Variants in TMBIM1 observed in about 807,000 individuals in gnomAD.
The protein encoded by TMBIM1 is transmembrane BAX inhibitor motif containing 1.
In TMBIM1, 34 loss-of-function variants were observed where a neutral mutation model predicts 45.1. The observed-to-expected ratio is 0.75, with a 90% CI of 0.57 to 1.00. The LOEUF is 1.00. TMBIM1 is among the 50% of genes least tolerant of loss of function. The pLI, the probability that TMBIM1 is intolerant of heterozygous loss-of-function variation, is 0.00. For missense variants in TMBIM1, 374 were observed against 402.4 expected (o/e 0.93, Z 0.60); for synonymous variants, 157 against 153.5 (o/e 1.02, Z -0.17).
intron 1 of TMBIM1, chr2:218,290,181 G>C (rs1363970521): frequency 6.6e-6 from 1 of 152,214 alleles, no homozygotes; most frequent in East Asian, 1.9e-4. Flanking sequence ...GATGACTCTT[G>C]AGAAACAATC....
intron 1 of TMBIM1, among the ~76,000 whole-genome samples, chr2:218,288,707 GCTT>G (rs542175255): frequency 5.3e-5 from 8 of 152,236 alleles, no homozygotes; most frequent in African/African-American, 1.9e-4. Context: ...AAATCCATGT[GCTT>G]CTGCCACTGT....
In TMBIM1 at chr2:218,282,019, G is replaced by A. The variant is rs374124455; in HGVS notation, c.123C>T (p.Gly41=). 5.2e-5 allele frequency: 83 copies of A among 1,608,012 alleles called. 1 individual carries two copies. Among genetic ancestry groups the A allele is most frequent in the East Asian group, 4.7e-4 (21 of 44,720 alleles). Residue 41 remains glycine, a synonymous_variant, in exon 2 of 12, where the codon GGC becomes GGT. Transcript: ENST00000258412. Reference sequence around the variant, plus strand: ...GGTGACCGTAGCCAGGCTGCGGGTAGCCAGGGTAGGCAGGATACCCTCCTG... The same window carrying A: ...GGTGACCGTAGCCAGGCTGCGGGTAACCAGGGTAGGCAGGATACCCTCCTG... The part of the protein sequence containing the change: ...VLPGGYPAYP[G]YPQPGYGHPA...
intron 1 of TMBIM1, chr2:218,289,936 G>GA (rs991580471): frequency 2.6e-5 from 4 of 152,176 alleles, no homozygotes; most frequent in Admixed American, 2.6e-4. Context: ...CTCTAGGAAA[G>GA]AAAGAGTAGG....
Position 218,275,425 on chromosome 2 carries a change from C to A in TMBIM1, c.*50G>T. The A allele has an allele frequency of 6.3e-7, 1 of 1,583,620 alleles. No homozygotes were observed. The highest frequency in any genetic ancestry group is 8.6e-7 in the Non-Finnish European group (1 of 1,165,356). ...GACCACAGTCATAGGGCCCAGCCCT[C>A]TAGCTTGGAAGGGAGAGCCCAGGAT... On this transcript the variant is annotated 3_prime_UTR_variant, in exon 12 of 12. Transcript: ENST00000258412.
At chr2:218,281,907 C>A (rs1692044425) in intron 2 of TMBIM1, 33 bp downstream of exon 2, 1 of 1,540,892 alleles carries the variant, frequency 6.5e-7, no homozygotes, top group African/African-American at 1.4e-5. Context: ...CTGTCCCTCC[C>A]ACCCACCTTC....
At chr2:218,281,742 A>G (rs758874064) in intron 2 of TMBIM1, among the ~76,000 whole-genome samples, 198 bp downstream of exon 2, 1 of 152,206 alleles carries the variant, frequency 6.6e-6, no homozygotes, top group Non-Finnish European at 1.5e-5. Flanking sequence ...CAAAGGGGGC[A>G]GCAAGTGGCT....
At chr2:218,279,877 G>A in intron 3 of TMBIM1, 149 bp downstream of exon 3, 3 of 654,814 alleles carry the variant, frequency 4.6e-6, no homozygotes, top group Non-Finnish European at 8.2e-6. Flanking sequence ...GAAGCCAGGT[G>A]CCCCTCTGAG....
rs1203501656 is a variant in TMBIM1 at position 218,280,045 on chromosome 2, C to T, written c.284G>A (p.Arg95Gln). Residue 95 changes from arginine (R) to glutamine (Q), a missense_variant, in exon 3 of 12, where the codon CGA (arginine) becomes CAA (glutamine). Coordinates refer to ENST00000258412, the MANE Select transcript of TMBIM1 (RefSeq NM_022152.6). Reference sequence around the variant, plus strand: ...TCTTACCTTTCGGATAAAAGTGTGTCGCACTTTCCGGTCATCCCACTCTCC... The same window carrying T: ...TCTTACCTTTCGGATAAAAGTGTGTTGCACTTTCCGGTCATCCCACTCTCC... Reference protein sequence around the residue: ...GPGEWDDRKVRHTFIRKVYSI... With the variant: ...GPGEWDDRKVQHTFIRKVYSI... 1.2e-6 allele frequency: 2 copies of T among 1,614,078 alleles called. No individual in the cohort carries two copies. Among genetic ancestry groups the T allele is most frequent in the Admixed American group, 1.7e-5 (1 of 60,030 alleles).
Position 218,277,346 on chromosome 2 carries a change from A to C in TMBIM1, c.639+20T>G, listed in dbSNP as rs1365273154. The C allele has an allele frequency of 6.2e-7, 1 of 1,609,424 alleles. No individual in the cohort carries two copies. Among genetic ancestry groups the C allele is most frequent in the South Asian group, 1.1e-5 (1 of 90,990 alleles). On this transcript the variant is annotated intron_variant, in intron 9 of 11. Coordinates refer to ENST00000258412, the MANE Select transcript of TMBIM1 (RefSeq NM_022152.6). ...GAAAGGGGAGTCGGGGGGCCAGGGA[A>C]GGGCCCTCCATGCCCTCACCTTGGT... is the stretch of plus-strand genomic sequence containing the variant.
chr2:218,281,847 A>C (rs1692034079), intron 2 of TMBIM1, 93 bp downstream of exon 2: 3 of 991,296 alleles, frequency 3.0e-6, no homozygotes, highest in Non-Finnish European at 4.6e-6. Context: ...ATTTAAGGGA[A>C]ACTAGAAGAG....
intron 1 of TMBIM1, among the ~76,000 whole-genome samples, chr2:218,285,100 A>G (rs1156307750): frequency 6.6e-6 from 1 of 152,196 alleles, no homozygotes. Context: ...GAAGAAAATA[A>G]AAAAGAAAAT....
chr2:218,288,537 C>T (rs1048025257), intron 1 of TMBIM1, among the ~76,000 whole-genome samples: 1 of 152,228 alleles, frequency 6.6e-6, no homozygotes, highest in African/African-American at 2.4e-5. Context: ...GAATATCCCT[C>T]ATTTCCAAAA....
At chr2:218,289,448 C>G (rs1559511085) in intron 1 of TMBIM1, among the ~76,000 whole-genome samples, 1 of 151,932 alleles carries the variant, frequency 6.6e-6, no homozygotes, top group Non-Finnish European at 1.5e-5. Context: ...TCGAGACCAG[C>G]CTGGCCAACA....
chr2:218,282,224 C>T (rs907168493), intron 1 of TMBIM1, 43 bp from the exon 2 acceptor site: 2 of 1,167,772 alleles, frequency 1.7e-6, no homozygotes, highest in Non-Finnish European at 1.2e-6. Context: ...TGCCCAGGCC[C>T]AGCTCACTCA....
rs747779366 is a variant in TMBIM1, at chr2:218,280,211, C to T, written c.203-85G>A. On this transcript the variant is annotated intron_variant, in intron 2 of 11. Transcript: ENST00000258412. ...AGCCTCCCTGACAATCTCAAAGTCT[C>T]AGGGATCTCCAGCCAAAAGACAAGT... 2.5e-4 allele frequency: 240 copies of T among 967,772 alleles called. 2 individuals carry two copies. The highest frequency in any genetic ancestry group is 9.9e-4 in the South Asian group (74 of 75,124). The allele number at this position is 967,772 out of a possible 1,614,324, so 59.9% of individuals were successfully genotyped here.
chr2:218,278,030 G>A (rs1691424732), intron 6 of TMBIM1, 56 bp from the exon 7 acceptor site: 1 of 1,596,170 alleles, frequency 6.3e-7, no homozygotes, highest in Admixed American at 1.7e-5. Context: ...GGCGTCAGAG[G>A]CTCCTACAGC....
intron 4 of TMBIM1, 98 bp from the exon 5 acceptor site, chr2:218,279,189 T>C: frequency 1.9e-6 from 3 of 1,577,906 alleles, no homozygotes; most frequent in Non-Finnish European, 2.6e-6. Context: ...TAATTGCCCA[T>C]GGTCACCCTG....
chr2:218,276,119 A>G, intron 10 of TMBIM1, 40 bp from the exon 11 acceptor site: 2 of 1,601,974 alleles, frequency 1.2e-6, no homozygotes, highest in Non-Finnish European at 1.7e-6. Flanking sequence ...TAGAAACCTC[A>G]GCAAACCACA....
intron 2 of TMBIM1, among the ~76,000 whole-genome samples, chr2:218,281,233 G>C (rs529937218): frequency 2.5e-4 from 34 of 133,520 alleles, no homozygotes; most frequent in Non-Finnish European, 4.3e-4. Flanking sequence ...TCCTGGGATT[G>C]CAAGCGATTC....
Sources: gnomAD v4.1 joint callset for allele counts (sites outside exome capture counted in the v4.1 genomes callset) on GRCh38, gnomAD v4.1.1 for gene constraint, MANE v1.5 for transcripts, NCBI Gene and HGNC (gene_info 2026-07-23, HGNC 2026-07-21) for gene names.